The following MSANTD7 variants were observed in gnomAD, a reference collection of about 807,000 sequenced individuals.
MSANTD7 encodes Myb/SANT DNA binding domain containing 7.
At chr10:14,846,705 A>G in the MSANTD7 span, 1 of 973,820 alleles carries the variant, frequency 1.0e-6, no homozygotes, top group African/African-American at 1.8e-5. Context: ...AGATGAATGT[A>G]TGAGCACTTT....
the MSANTD7 span, chr10:14,845,704 G>A: frequency 5.3e-5 from 11 of 209,404 alleles, no homozygotes; most frequent in Admixed American, 1.3e-4. Context: ...CGGGATTACA[G>A]GTGCATGCCA....
At chr10:14,845,241 T>G in the MSANTD7 span, 1 of 985,060 alleles carries the variant, frequency 1.0e-6, no homozygotes, top group Non-Finnish European at 1.2e-6. Context: ...ATTTACTTAG[T>G]ACTTTTAGGA....
chr10:14,840,222 T>C, the MSANTD7 span: 2 of 827,874 alleles, frequency 2.4e-6, no homozygotes, highest in Non-Finnish European at 3.5e-6. Context: ...CTAAGCATAA[T>C]GTGAAAAGAA....
the MSANTD7 span, chr10:14,846,053 A>G: frequency 1.8e-5 from 18 of 973,236 alleles, no homozygotes; most frequent in Non-Finnish European, 2.2e-5. Context: ...ATTTTAAGGT[A>G]GCATTCTGTG....
the MSANTD7 span, chr10:14,840,037 T>A: frequency 4.6e-6 from 6 of 1,317,662 alleles, no homozygotes; most frequent in Admixed American, 1.2e-4. Context: ...ATTACATACA[T>A]TGTAATATAT....
the MSANTD7 span, chr10:14,839,867 G>A: frequency 2.7e-6 from 4 of 1,501,644 alleles, no homozygotes; most frequent in African/African-American, 1.4e-5. Flanking sequence ...GTCTGAATAC[G>A]TCTAATGAGA....
the MSANTD7 span, chr10:14,844,268 C>G: frequency 1.9e-6 from 2 of 1,079,294 alleles, no homozygotes; most frequent in Admixed American, 4.8e-5. Flanking sequence ...TCACGTAGTT[C>G]ATAGATGTGA....
chr10:14,842,193 G>A, the MSANTD7 span: 5 of 1,535,140 alleles, frequency 3.3e-6, no homozygotes, highest in Non-Finnish European at 4.4e-6. The surrounding 1 kb of genome is among the most constrained non-coding windows in gnomAD (Gnocchi z 5.2). Flanking sequence ...GGAAGATCCT[G>A]GAGATATCCT....
chr10:14,846,959 G>C, the MSANTD7 span: 3 of 985,214 alleles, frequency 3.0e-6, no homozygotes, highest in Non-Finnish European at 2.4e-6. Context: ...TTTCTGTTCG[G>C]TAATCCTGGT....
At chr10:14,845,967 G>C in the MSANTD7 span, 1 of 911,188 alleles carries the variant, frequency 1.1e-6, no homozygotes, top group Non-Finnish European at 1.3e-6. Context: ...CATAATAAAA[G>C]ACAAAATGAA....
chr10:14,842,813 C>T, the MSANTD7 span: 1 of 1,536,002 alleles, frequency 6.5e-7, no homozygotes, highest in Non-Finnish European at 8.7e-7. The surrounding 1 kb of genome is among the most constrained non-coding windows in gnomAD (Gnocchi z 5.2). Context: ...AACCAGTGAC[C>T]TTGAGGACTC....
chr10:14,842,019 C>T, the MSANTD7 span: 3 of 700,464 alleles, frequency 4.3e-6, no homozygotes, highest in South Asian at 4.7e-5. The surrounding 1 kb of genome is among the most constrained non-coding windows in gnomAD (Gnocchi z 5.2). Context: ...GTTGGGCTAT[C>T]TCAGTCTTGG....
At chr10:14,843,169 A>G in the MSANTD7 span, among the ~76,000 whole-genome samples, 3 of 152,176 alleles carry the variant, frequency 2.0e-5, no homozygotes, top group Non-Finnish European at 2.9e-5. Context: ...GGGGTTCAGG[A>G]AGGCAAGGGA....
the MSANTD7 span, chr10:14,844,260 A>G: frequency 1.8e-6 from 2 of 1,085,180 alleles, no homozygotes; most frequent in Non-Finnish European, 2.3e-6. Flanking sequence ...TGTGAGGATC[A>G]CGTAGTTCAT....
the MSANTD7 span, chr10:14,843,426 A>G: frequency 6.4e-7 from 1 of 1,550,716 alleles, no homozygotes; most frequent in African/African-American, 1.4e-5. Context: ...TCAGAGGTGC[A>G]GTTGCTCCCT....
At chr10:14,845,146 A>G in the MSANTD7 span, 1 of 985,428 alleles carries the variant, frequency 1.0e-6, no homozygotes, top group Non-Finnish European at 1.2e-6. Context: ...CTGGGGAGAG[A>G]TGAAGGTGAT....
At chr10:14,846,628 T>C in the MSANTD7 span, 1 of 953,950 alleles carries the variant, frequency 1.0e-6, no homozygotes, top group Non-Finnish European at 1.2e-6. Context: ...AGGTTCCTCA[T>C]TTATAAAGTG....
the MSANTD7 span, chr10:14,838,370 C>T: frequency 8.2e-6 from 13 of 1,581,744 alleles, no homozygotes; most frequent in South Asian, 2.3e-5. Context: ...TGGGGGACCC[C>T]CTCATTCCTG....
chr10:14,846,946 G>T, the MSANTD7 span: 2 of 985,384 alleles, frequency 2.0e-6, no homozygotes, highest in Non-Finnish European at 2.4e-6. Context: ...CACCACCTTT[G>T]TTTTTCTGTT....
Sources: gnomAD v4.1 joint callset for allele counts (sites outside exome capture counted in the v4.1 genomes callset) on GRCh38, gnomAD v4.1.1 for gene constraint, Gnocchi (gnomAD v3.1) non-coding constraint, MANE v1.5 for transcripts, NCBI Gene and HGNC (gene_info 2026-07-23, HGNC 2026-07-21) for gene names.